The following RNF213 variants were observed in gnomAD, a reference collection of about 807,000 sequenced individuals.
RNF213 encodes the protein ring finger protein 213.
RNF213 carries 341 observed loss-of-function variants against 514.4 expected under a neutral mutation model. The observed-to-expected ratio is 0.66, with a 90% confidence interval of 0.61 to 0.73. RNF213 has a LOEUF of 0.73. RNF213 is among the 30% of genes least tolerant of loss of function. The probability of loss-of-function intolerance (pLI) is 0.00; values close to 1 mark genes in which losing one functional copy is unlikely to be tolerated. For missense variants in RNF213, 5,767 were observed against 6,615.6 expected, an observed-to-expected ratio of 0.87 and a Z score of 4.45; for synonymous variants, 2,655 against 2,658.2, an observed-to-expected ratio of 1.00 and a Z score of 0.04.
At chr17:80,281,843 G>A (rs1197335212) in intron 3 of RNF213, among the ~76,000 whole-genome samples, 1 of 152,116 alleles carries the variant, frequency 6.6e-6, no homozygotes, top group Non-Finnish European at 1.5e-5. Context: ...GCATCCGCCT[G>A]TACACTTAAT....
At chr17:80,363,915 AC>A (rs1471421507) in intron 41 of RNF213, 125 bp downstream of exon 41, 5 of 931,926 alleles carry the variant, frequency 5.4e-6, no homozygotes, top group African/African-American at 4.9e-5. Flanking sequence ...CTCCGTCCTC[AC>A]CCGTTCACTC....
intron 23 of RNF213, among the ~76,000 whole-genome samples, chr17:80,337,214 C>T (rs1241711790): frequency 6.6e-6 from 1 of 152,240 alleles, no homozygotes; most frequent in African/African-American, 2.4e-5. Flanking sequence ...TCCAGCGTCA[C>T]CCCCAGAGGG....
chr17:80,274,153 G>C (rs1242574481), intron 3 of RNF213, among the ~76,000 whole-genome samples: 1 of 152,138 alleles, frequency 6.6e-6, no homozygotes, highest in African/African-American at 2.4e-5. Flanking sequence ...TGCGTGCCCA[G>C]AGGGGCTTTG....
In RNF213 at chr17:80,347,964, A is replaced by G; in HGVS notation, c.9629A>G (p.His3210Arg). 1 of 1,614,058 alleles carries G rather than the reference A, an allele frequency of 6.2e-7. No individual in the cohort carries two copies. Among genetic ancestry groups the G allele is most frequent in the East Asian group, 2.2e-5 (1 of 44,874 alleles). ...AAAGCACATCATTTCCAGAAGAGGCACAAATACAGCCCCTCTGACGTCTTC... is the reference window on the plus strand; with the variant it reads ...AAAGCACATCATTTCCAGAAGAGGCGCAAATACAGCCCCTCTGACGTCTTC... ...NVKAHHFQKRHKYSPSDVFIG... is the reference protein window; with the variant it reads ...NVKAHHFQKRRKYSPSDVFIG... The change falls in exon 29 of 68, where the codon CAC becomes CGC. Residue 3210 changes from histidine to arginine, a missense_variant. Coordinates refer to ENST00000582970, the MANE Select transcript of RNF213 (RefSeq NM_001256071.3). The surrounding 1 kb of genome is among the most constrained non-coding windows in gnomAD (Gnocchi z 7.2).
At chr17:80,369,258 C>T (rs943779325) in intron 44 of RNF213, among the ~76,000 whole-genome samples, 2 of 152,054 alleles carry the variant, frequency 1.3e-5, no homozygotes, top group Non-Finnish European at 1.5e-5. Flanking sequence ...ATTAGCCAGG[C>T]GTGATGGTGC....
chr17:80,319,249 A>G lies in RNF213; in HGVS notation c.2961A>G (p.Leu987=), dbSNP rs535201980. ...YCNSCWDTKG[L]EDSVAKTFEK... ...ATAGTTGCTGGGACACCAAAGGCTTAGAGGACAGTGTGGCCAAGACCTTCG... is the reference window on the plus strand; with the variant it reads ...ATAGTTGCTGGGACACCAAAGGCTTGGAGGACAGTGTGGCCAAGACCTTCG... The change falls in exon 17 of 68, where the codon TTA becomes TTG. Residue 987 remains leucine, a synonymous_variant. Transcript: ENST00000582970. The G allele has an allele frequency of 1.9e-6, 3 of 1,614,222 alleles. No individual in the cohort carries two copies. The South Asian group carries it at 3.3e-5, about 18-fold the overall frequency.
chr17:80,304,628 A>C lies in RNF213; in HGVS notation c.2211-1624A>C, dbSNP rs1476501533. On this transcript the variant is annotated intron_variant, in intron 11 of 67. Transcript: ENST00000582970. ...GCACTCCAGCCAAGGCAACAGAGTG[A>C]GACTCCAACACAAATAAATAAATAA... is the stretch of plus-strand genomic sequence containing the variant. 2.0e-5 allele frequency among the ~76,000 whole-genome samples: 3 copies of C among 151,732 alleles called. No individual in the cohort carries two copies. In the East Asian group the frequency reaches 5.8e-4, roughly 29 times the overall value.
At chr17:80,319,772 AT>A (rs778187277) in intron 17 of RNF213, 19 of 1,273,708 alleles carry the variant, frequency 1.5e-5, no homozygotes, top group Non-Finnish European at 1.9e-5. Flanking sequence ...AGGGGAAGAG[AT>A]TGTGCCCCCC....
At position 80,284,358 on chromosome 17, in the gene RNF213, T is replaced by G. The variant is rs528338757; in HGVS notation, c.262-3457T>G. On this transcript the variant is annotated intron_variant, in intron 3 of 67. Transcript: ENST00000582970. Reference sequence around the variant, plus strand: ...CAGCCTGGGCAACAAGAGTGAAACTTCGTCTCAAAAAAAACAAAAACAAAA... The same window carrying G: ...CAGCCTGGGCAACAAGAGTGAAACTGCGTCTCAAAAAAAACAAAAACAAAA... Among the ~76,000 whole-genome samples, 18 of 150,376 alleles carry G rather than the reference T, an allele frequency of 1.2e-4. No individual in the cohort carries two copies. In the South Asian group the frequency reaches 3.6e-3, roughly 30 times the overall value.
At chr17:80,357,222 A>C (rs2078862519) in intron 36 of RNF213, among the ~76,000 whole-genome samples, 3 of 152,224 alleles carry the variant, frequency 2.0e-5, no homozygotes, top group Middle Eastern at 6.8e-3. Flanking sequence ...GCCACCTTTT[A>C]ATTCTTATCC....
At chr17:80,374,433 C>G in intron 49 of RNF213, 25 bp from the exon 50 acceptor site, 1 of 1,613,854 alleles carries the variant, frequency 6.2e-7, no homozygotes, top group Non-Finnish European at 8.5e-7. Flanking sequence ...CCATTGTTCA[C>G]CCCCAACTAA....
At chr17:80,349,677 A>G (rs753235888) in intron 29 of RNF213, 93 bp from the exon 30 acceptor site, 34 of 1,384,346 alleles carry the variant, frequency 2.5e-5, no homozygotes, top group East Asian at 6.8e-5. Context: ...CGCGCTGAAC[A>G]TCGCAGGTTT....
In RNF213 at chr17:80,347,050, C is replaced by T. The variant is rs2078336173; in HGVS notation, c.8715C>T (p.Pro2905=). The change falls in exon 29 of 68, where the codon CCC becomes CCT. Residue 2905 remains proline, a synonymous_variant. Transcript: ENST00000582970. The surrounding 1 kb of genome is among the most constrained non-coding windows in gnomAD (Gnocchi z 7.2). The part of the protein sequence containing the change: ...NRGIFVSRGS[P]NETELIESAK... Reference sequence around the variant, plus strand: ...GCATTTTTGTGTCACGTGGCAGCCCCAACGAGACAGAGCTCATAGAGAGCG... The same window carrying T: ...GCATTTTTGTGTCACGTGGCAGCCCTAACGAGACAGAGCTCATAGAGAGCG... The T allele has an allele frequency of 6.2e-7, 1 of 1,614,122 alleles. No homozygotes were observed. Among genetic ancestry groups the T allele is most frequent in the Non-Finnish European group, 8.5e-7 (1 of 1,180,020 alleles).
chr17:80,370,768 G>A (rs1050303154), intron 46 of RNF213, among the ~76,000 whole-genome samples: 4 of 152,216 alleles, frequency 2.6e-5, no homozygotes, highest in Admixed American at 6.5e-5. Context: ...ACCGCCACCC[G>A]TGCTGGGAGG....
At chr17:80,277,382 G>T (rs572026860) in intron 3 of RNF213, among the ~76,000 whole-genome samples, 1 of 152,090 alleles carries the variant, frequency 6.6e-6, no homozygotes, top group East Asian at 1.9e-4. Context: ...TGGATCACTT[G>T]AGGTCAGGAG....
intron 42 of RNF213, chr17:80,364,754 G>C (rs1219364763): frequency 1.6e-6 from 1 of 614,294 alleles, no homozygotes; most frequent in African/African-American, 1.8e-5. Context: ...TCTGCTGATT[G>C]CTAAGTCAGA....
intron 14 of RNF213, 89 bp downstream of exon 14, chr17:80,309,260 C>CTTT: frequency 1.3e-6 from 2 of 1,510,786 alleles, no homozygotes; most frequent in Non-Finnish European, 1.8e-6. Context: ...AGACTGATTC[C>CTTT]CGGGTGCTGG....
intron 59 of RNF213, among the ~76,000 whole-genome samples, chr17:80,384,292 A>G (rs1185428086): frequency 1.3e-5 from 2 of 152,294 alleles, no homozygotes; most frequent in Non-Finnish European, 2.9e-5. Context: ...GGGCAGATCA[A>G]ACAAAACTCC....
chr17:80,274,529 G>C (rs79137949), intron 3 of RNF213, among the ~76,000 whole-genome samples: 1,989 of 121,686 alleles, frequency 0.016, 80 homozygotes, highest in African/African-American at 0.061. Context: ...TTCCTTGTAG[G>C]TGGCACTCCA....
Sources: gnomAD v4.1 joint callset for allele counts (sites outside exome capture counted in the v4.1 genomes callset) on GRCh38, gnomAD v4.1.1 for gene constraint, Gnocchi (gnomAD v3.1) non-coding constraint, MANE v1.5 for transcripts, NCBI Gene and HGNC (gene_info 2026-07-23, HGNC 2026-07-21) for gene names.